The following CNTN4 variants were observed in gnomAD, a reference collection of about 807,000 sequenced individuals.
The protein encoded by CNTN4 is contactin 4.
In CNTN4, 77 loss-of-function variants were observed where a neutral mutation model predicts 122.5. That is an observed-to-expected ratio of 0.63 (90% CI 0.52 to 0.76). The LOEUF is 0.76. Among genes scored for constraint, CNTN4 ranks in the 30% least tolerant of loss-of-function variants. CNTN4 has a pLI of 0.00. For missense variants in CNTN4, 1,256 were observed against 1,259.1 expected (o/e 1.00, Z 0.04); for synonymous variants, 512 against 447.0 (o/e 1.15, Z -1.83).
At chr3:2,580,301 C>T (rs1160181475) in intron 4 of CNTN4, among the ~76,000 whole-genome samples, 2 of 152,098 alleles carry the variant, frequency 1.3e-5, no homozygotes, top group African/African-American at 4.8e-5. Flanking sequence ...CAATTAGAGA[C>T]ATCCATCTGG....
intron 4 of CNTN4, among the ~76,000 whole-genome samples, chr3:2,584,278 G>A (rs1269502437): frequency 6.6e-6 from 1 of 152,134 alleles, no homozygotes; most frequent in Admixed American, 6.5e-5. Flanking sequence ...AAAATTGTGG[G>A]AGTAGGAGGG....
chr3:2,521,351 A>ACCCCCACCCCCCCCC, intron 3 of CNTN4, among the ~76,000 whole-genome samples: 2 of 115,260 alleles, frequency 1.7e-5, no homozygotes, highest in Admixed American at 8.7e-5. Context: ...CATCCCCCCC[A>ACCCCCACCCCCCCCC]CCCCCCGCAA....
intron 3 of CNTN4, among the ~76,000 whole-genome samples, chr3:2,568,253 G>A (rs1164596890): frequency 7.0e-6 from 1 of 141,950 alleles, no homozygotes; most frequent in Non-Finnish European, 1.5e-5. Flanking sequence ...GAGGTCTTCA[G>A]TGTCACTGTT....
At chr3:2,768,201 T>G (rs992483530) in intron 6 of CNTN4, among the ~76,000 whole-genome samples, 3 of 152,200 alleles carry the variant, frequency 2.0e-5, no homozygotes, top group Non-Finnish European at 4.4e-5. Context: ...GCTTCTGAAA[T>G]GAATGGCGAA....
chr3:2,935,654 A>T (rs1465324567), intron 13 of CNTN4, among the ~76,000 whole-genome samples: 2 of 152,268 alleles, frequency 1.3e-5, no homozygotes. Flanking sequence ...AAAAGGGACG[A>T]AACAGTTTCT....
intron 2 of CNTN4, among the ~76,000 whole-genome samples, chr3:2,184,717 C>A (rs886068768): frequency 1.3e-5 from 2 of 152,166 alleles, no homozygotes; most frequent in African/African-American, 4.8e-5. Context: ...CTCATCCCCT[C>A]TGGAGGATGC....
intron 6 of CNTN4, among the ~76,000 whole-genome samples, chr3:2,788,841 G>C (rs563308831): frequency 6.6e-6 from 1 of 152,216 alleles, no homozygotes; most frequent in East Asian, 1.9e-4. Flanking sequence ...CTCTGTATTT[G>C]TTTAAGAAAT....
intron 2 of CNTN4, among the ~76,000 whole-genome samples, chr3:2,303,722 C>T (rs927953593): frequency 1.3e-5 from 2 of 152,154 alleles, no homozygotes; most frequent in Non-Finnish European, 2.9e-5. Context: ...TTGTTCAGCG[C>T]TGCTAGTTCT....
chr3:2,370,798 A>G (rs147238418), intron 3 of CNTN4, among the ~76,000 whole-genome samples: 74 of 152,314 alleles, frequency 4.9e-4, no homozygotes, highest in African/African-American at 1.6e-3. Context: ...ATCAACCAGA[A>G]GGTGAATATA....
chr3:2,979,112 G>A (rs192543824), intron 13 of CNTN4, among the ~76,000 whole-genome samples: 20 of 152,266 alleles, frequency 1.3e-4, no homozygotes, highest in South Asian at 8.3e-4. Flanking sequence ...TGTGACTGCC[G>A]GCACCTTTGT....
Position 2,828,093 on chromosome 3 carries a change from T to TTC in CNTN4, c.454+8532_454+8533dup, listed in dbSNP as rs759894601. On this transcript the variant is annotated intron_variant, in intron 7 of 24. Coordinates refer to ENST00000418658, the MANE Select transcript of CNTN4 (RefSeq NM_175607.3). Reference sequence around the variant, plus strand: ...CCAGCATTTCACTTGAGTCATCTCATTCTCTCTCTCTCTCTCTCTCTGTGT... The same window carrying TTC: ...CCAGCATTTCACTTGAGTCATCTCATTCTCTCTCTCTCTCTCTCTCTCTGTGT... 3.2e-3 allele frequency among the ~76,000 whole-genome samples: 487 copies of TTC among 150,872 alleles called. 2 individuals are homozygous for TTC. Among genetic ancestry groups the TTC allele is most frequent in the African/African-American group, 0.011 (453 of 41,298 alleles).
intron 4 of CNTN4, among the ~76,000 whole-genome samples, chr3:2,600,446 C>T (rs1012465011): frequency 1.6e-4 from 25 of 151,984 alleles, no homozygotes; most frequent in African/African-American, 1.9e-4. Flanking sequence ...TGAGAACATG[C>T]GGTGTTTGGT....
At chr3:2,302,393 A>G (rs1666380) in intron 2 of CNTN4, among the ~76,000 whole-genome samples, 49,525 of 151,960 alleles carry the variant, frequency 0.33, 9,017 homozygotes, top group East Asian at 0.52. Flanking sequence ...GTGCCACTGC[A>G]CTCCAGCCTG....
chr3:2,661,301 T>A (rs1307535703), intron 4 of CNTN4, among the ~76,000 whole-genome samples: 1 of 152,144 alleles, frequency 6.6e-6, no homozygotes, highest in African/African-American at 2.4e-5. Flanking sequence ...GCATGAGTAT[T>A]CCAGAAAGTC....
intron 4 of CNTN4, among the ~76,000 whole-genome samples, chr3:2,609,568 T>A (rs1039311383): frequency 5.9e-5 from 9 of 152,356 alleles, no homozygotes; most frequent in African/African-American, 9.6e-5. Context: ...TAGGTAGTTC[T>A]CAAAAGCATT....
chr3:2,720,214 A>G (rs373049283), intron 4 of CNTN4, among the ~76,000 whole-genome samples: 1 of 152,130 alleles, frequency 6.6e-6, no homozygotes, highest in African/African-American at 2.4e-5. Flanking sequence ...GCTACATTAC[A>G]CTTTGCTTCT....
chr3:2,626,835 C>G (rs61028875), intron 4 of CNTN4, among the ~76,000 whole-genome samples: 2 of 152,126 alleles, frequency 1.3e-5, no homozygotes, highest in Non-Finnish European at 2.9e-5. Flanking sequence ...AAAATTGTTA[C>G]GAGGAGGAAG....
intron 2 of CNTN4, among the ~76,000 whole-genome samples, chr3:2,266,098 A>G (rs1301108289): frequency 6.6e-6 from 1 of 152,014 alleles, no homozygotes; most frequent in African/African-American, 2.4e-5. Flanking sequence ...TGCCAGTACT[A>G]TGGTGAATGG....
intron 2 of CNTN4, among the ~76,000 whole-genome samples, chr3:2,142,174 A>G: frequency 6.6e-6 from 1 of 151,014 alleles, no homozygotes; most frequent in African/African-American, 2.5e-5. Context: ...GGATGTAAAC[A>G]GTGTGGGTGC....
Sources: gnomAD v4.1 joint callset for allele counts (sites outside exome capture counted in the v4.1 genomes callset) on GRCh38, gnomAD v4.1.1 for gene constraint, MANE v1.5 for transcripts, NCBI Gene and HGNC (gene_info 2026-07-23, HGNC 2026-07-21) for gene names.